ATG2B: variants seen among roughly 807,000 people sequenced by gnomAD.
ATG2B encodes the protein autophagy-related protein 2 homolog B.
Under a neutral mutation model 241.3 loss-of-function variants are expected in ATG2B, and 121 were observed. The observed-to-expected ratio is 0.50, with a 90% CI of 0.43 to 0.58. The LOEUF is 0.58. Ranked by LOEUF, ATG2B falls within the 20% of genes least tolerant of loss-of-function variation. ATG2B has a pLI of 0.00. For missense variants in ATG2B, 2,306 were observed against 2,491.6 expected, an observed-to-expected ratio of 0.93 and a Z score of 1.59; for synonymous variants, 858 against 876.6, an observed-to-expected ratio of 0.98 and a Z score of 0.37.
chr14:96,296,411 T>C (rs1172333272), intron 34 of ATG2B, among the ~76,000 whole-genome samples: 1 of 152,120 alleles, frequency 6.6e-6, no homozygotes, highest in Non-Finnish European at 1.5e-5. Context: ...CTGACAAATA[T>C]ATCTTCGAGG....
In ATG2B at chr14:96,332,483, A is replaced by C. The variant is rs756309466; in HGVS notation, c.1362+18T>G. ...AAGCAACTTTTCAGTCTAGAAGAAA[A>C]ATTAAGTAATACTTTACCACAGTAG... is the stretch of plus-strand genomic sequence containing the variant. On this transcript the variant is annotated intron_variant, in intron 9 of 41. Coordinates refer to ENST00000359933, the MANE Select transcript of ATG2B (RefSeq NM_018036.7). 6.2e-7 allele frequency: 1 copy of C among 1,611,544 alleles called. No homozygotes were observed. The highest frequency in any genetic ancestry group is 1.1e-5 in the South Asian group (1 of 90,764).
intron 41 of ATG2B, 103 bp from the exon 42 acceptor site, chr14:96,286,088 T>C (rs1886329489): frequency 1.2e-6 from 1 of 833,360 alleles, no homozygotes; most frequent in African/African-American, 1.7e-5. Context: ...GCAGGTAACA[T>C]TATGTTTGTA....
At chr14:96,322,062 C>A in intron 18 of ATG2B, 50 bp downstream of exon 18, 2 of 1,347,866 alleles carry the variant, frequency 1.5e-6, no homozygotes, top group Non-Finnish European at 2.0e-6. Context: ...ATCAGGGAGG[C>A]AATTAGAAAA....
At chr14:96,295,243 A>G (rs1566714642) in intron 35 of ATG2B, 76 bp from the exon 36 acceptor site, 6 of 1,330,796 alleles carry the variant, frequency 4.5e-6, no homozygotes, top group Non-Finnish European at 6.3e-6. Flanking sequence ...TCTTGATCTA[A>G]TTTGTTTTTC....
intron 1 of ATG2B, 130 bp from the exon 2 acceptor site, chr14:96,347,471 G>C (rs1888200644): frequency 1.6e-6 from 1 of 627,544 alleles, no homozygotes. Flanking sequence ...ACTTCCACAA[G>C]TACAGGCAAT....
chr14:96,344,189 A>G (rs1422599021), intron 4 of ATG2B, among the ~76,000 whole-genome samples: 1 of 152,266 alleles, frequency 6.6e-6, no homozygotes, highest in Non-Finnish European at 1.5e-5. Context: ...TATTGCACAT[A>G]TTAACCTTAA....
At chr14:96,295,709 T>C in intron 34 of ATG2B, 149 bp from the exon 35 acceptor site, 1 of 339,586 alleles carries the variant, frequency 2.9e-6, no homozygotes, top group Non-Finnish European at 5.3e-6. Context: ...CTAGTCATTA[T>C]TCCTATTCTT....
rs529647131 is a variant in ATG2B at position 96,338,852 on chromosome 14, C to T, written c.924+2670G>A. Among the ~76,000 whole-genome samples, 11 of 152,212 alleles carry T rather than the reference C, an allele frequency of 7.2e-5. No homozygotes were observed. In the East Asian group the frequency reaches 2.1e-3, roughly 29 times the overall value. On this transcript the variant is annotated intron_variant, in intron 6 of 41. Transcript: ENST00000359933. ...ACCAGCAGAGTAAATGGACAACCCACAGAGTAGGAGAAAATATTTGTAAAC... is the reference window on the plus strand; with the variant it reads ...ACCAGCAGAGTAAATGGACAACCCATAGAGTAGGAGAAAATATTTGTAAAC...
intron 1 of ATG2B, among the ~76,000 whole-genome samples, chr14:96,359,224 T>C (rs1265967373): frequency 6.6e-6 from 1 of 151,818 alleles, no homozygotes; most frequent in Non-Finnish European, 1.5e-5. Context: ...ATACAAAAAG[T>C]AGCCAGGTGT....
At chr14:96,286,109 A>C in intron 41 of ATG2B, 124 bp from the exon 42 acceptor site, 2 of 654,456 alleles carry the variant, frequency 3.1e-6, no homozygotes, top group Non-Finnish European at 5.1e-6. Flanking sequence ...ACCAGACAAA[A>C]AAAAATGCCA....
intron 6 of ATG2B, 104 bp downstream of exon 6, chr14:96,341,418 T>C: frequency 3.4e-6 from 3 of 880,236 alleles, no homozygotes; most frequent in Admixed American, 3.0e-5. Flanking sequence ...AGTACACTAG[T>C]TACAGGATAA....
At chr14:96,311,080 A>AT (rs1887140093) in intron 28 of ATG2B, 37 bp downstream of exon 28, 1 of 1,547,844 alleles carries the variant, frequency 6.5e-7, no homozygotes, top group African/African-American at 1.4e-5. Flanking sequence ...ATGTCACGAC[A>AT]TGGCAGGGAC....
At chr14:96,318,930 AG>A (rs1887387846) in intron 18 of ATG2B, among the ~76,000 whole-genome samples, 1 of 152,182 alleles carries the variant, frequency 6.6e-6, no homozygotes, top group Admixed American at 6.5e-5. Flanking sequence ...CGCCCAAGAG[AG>A]GGACTTGTGT....
At position 96,306,588 on chromosome 14, in the gene ATG2B, TAA is replaced by T. The variant is rs140690422; in HGVS notation, c.4506+124_4506+125del. On this transcript the variant is annotated intron_variant, in intron 30 of 41. Transcript: ENST00000359933. The stretch of plus-strand genomic sequence containing the variant: ...CATTCACCAACTGTCAATAGTATAT[TAA>T]AAAAAAAAAAGTAACTCTGAACTAT... The T allele has an allele frequency of 0.26, 173,552 of 655,118 alleles. 21,080 individuals are homozygous for T. The highest frequency in any genetic ancestry group is 0.31 in the Middle Eastern group (685 of 2,194). The allele number at this position is 655,118 out of a possible 1,614,324, so 40.6% of individuals were successfully genotyped here.
chr14:96,344,424 T>C (rs1174282885), intron 4 of ATG2B, among the ~76,000 whole-genome samples: 1 of 152,204 alleles, frequency 6.6e-6, no homozygotes, highest in East Asian at 1.9e-4. Flanking sequence ...ACAGAATAAC[T>C]TGCTTTAAAT....
chr14:96,334,337 T>C, intron 7 of ATG2B, 68 bp downstream of exon 7: 1 of 931,542 alleles, frequency 1.1e-6, no homozygotes, highest in Non-Finnish European at 1.6e-6. Context: ...GTACATACAT[T>C]ACATATTTTA....
Position 96,311,571 on chromosome 14 carries a change from C to T in ATG2B, c.3961G>A (p.Ala1321Thr). The change falls in exon 27 of 42, where the codon GCA becomes ACA. Residue 1321 changes from alanine (A) to threonine (T), a missense_variant. Ala to Thr is a moderately conservative substitution (Grantham distance 58). This residue lies in a region of ATG2B where 1,927 missense variants were observed against 2,011.2 expected (regional missense o/e 0.96). Coordinates refer to ENST00000359933, the MANE Select transcript of ATG2B (RefSeq NM_018036.7). The stretch of plus-strand genomic sequence containing the variant: ...TCTCCATCAGAATCAGACTTCACTG[C>T]AGTTATGGTTAACTCCAAAAGCCCC... Reference protein sequence around the residue: ...DMGLLELTITAVKSDSDGEQT... With the variant: ...DMGLLELTITTVKSDSDGEQT... 6.2e-7 allele frequency: 1 copy of T among 1,609,498 alleles called. No homozygotes were observed. Among genetic ancestry groups the T allele is most frequent in the African/African-American group, 1.3e-5 (1 of 74,968 alleles).
At chr14:96,316,417 C>A in intron 21 of ATG2B, 116 bp downstream of exon 21, 1 of 998,434 alleles carries the variant, frequency 1.0e-6, no homozygotes. Flanking sequence ...AGAATGAGAG[C>A]CCTCCACAGA....
chr14:96,309,360 C>A, intron 29 of ATG2B, 93 bp downstream of exon 29: 1 of 1,431,912 alleles, frequency 7.0e-7, no homozygotes, highest in Non-Finnish European at 9.5e-7. Flanking sequence ...TCATATGCGT[C>A]TTTAATAAGT....
Sources: allele counts gnomAD v4.1 joint callset (sites outside exome capture counted in the v4.1 genomes callset), GRCh38; gene constraint gnomAD v4.1.1; regional missense constraint gnomAD v4.1.1; transcripts MANE v1.5; gene names NCBI Gene and HGNC (gene_info 2026-07-23, HGNC 2026-07-21).